Variants in EHMT1 observed in about 807,000 individuals in gnomAD.
EHMT1 encodes euchromatic histone lysine methyltransferase 1.
Under a neutral mutation model 147.2 loss-of-function variants are expected in EHMT1, and 15 were observed. The ratio of observed to expected loss-of-function variants is 0.10; its 90% confidence interval spans 0.07 to 0.16. The LOEUF is 0.16. Ranked by LOEUF, EHMT1 falls within the 10% of genes least tolerant of loss-of-function variation. The pLI, the probability that EHMT1 is intolerant of heterozygous loss-of-function variation, is 1.00. For missense variants in EHMT1, 1,587 were observed against 1,772.4 expected, an observed-to-expected ratio of 0.90 and a Z score of 1.88; for synonymous variants, 795 against 709.6, an observed-to-expected ratio of 1.12 and a Z score of -1.91.
intron 6 of EHMT1, among the ~76,000 whole-genome samples, chr9:137,744,767 C>T (rs1056152375): frequency 6.6e-6 from 1 of 152,278 alleles, no homozygotes; most frequent in African/African-American, 2.4e-5. Context: ...GCCAGGCGTG[C>T]TCTCTTCACA....
chr9:137,662,972 T>G (rs1341275334), intron 1 of EHMT1, among the ~76,000 whole-genome samples: 1 of 151,736 alleles, frequency 6.6e-6, no homozygotes, highest in African/African-American at 2.4e-5. Context: ...TTTTGTACTT[T>G]TAGTAGATAC....
chr9:137,735,277 G>A (rs1281197884), intron 4 of EHMT1, among the ~76,000 whole-genome samples: 1 of 152,212 alleles, frequency 6.6e-6, no homozygotes, highest in East Asian at 1.9e-4. Context: ...GATATGTAAA[G>A]GAGCAGAGTT....
chr9:137,681,951 GT>G (rs1252580273), intron 1 of EHMT1, among the ~76,000 whole-genome samples: 1 of 151,362 alleles, frequency 6.6e-6, no homozygotes, highest in African/African-American at 2.4e-5. Context: ...GTGTTTTTTT[GT>G]TTGTTTGTTT....
chr9:137,637,229 G>T (rs968536985), intron 1 of EHMT1, among the ~76,000 whole-genome samples: 1 of 152,048 alleles, frequency 6.6e-6, no homozygotes, highest in Non-Finnish European at 1.5e-5. Context: ...AGGCTGGAGT[G>T]CAGTGGTGCA....
chr9:137,743,884 C>T lies in EHMT1; in HGVS notation c.982-18C>T, dbSNP rs781476574. On this transcript the variant is annotated intron_variant, in intron 5 of 26. Coordinates refer to ENST00000460843, the MANE Select transcript of EHMT1 (RefSeq NM_024757.5). ...CGCACTGATCCTGCCTTGGGGTATA[C>T]ACCTGCCCGTGTTCTAGGGGGAGAA... 19 of 1,603,140 alleles carry T rather than the reference C, an allele frequency of 1.2e-5. No individual in the cohort carries two copies. In the African/African-American group the frequency reaches 1.5e-4, roughly 12 times the overall value.
chr9:137,742,187 C>T (rs115057908), intron 4 of EHMT1, among the ~76,000 whole-genome samples: 63 of 152,100 alleles, frequency 4.1e-4, no homozygotes, highest in African/African-American at 1.4e-3. Flanking sequence ...CCAGGCCCCG[C>T]GGCGTCTGTG....
chr9:137,747,847 C>T (rs985682394), intron 6 of EHMT1: 1 of 152,182 alleles, frequency 6.6e-6, no homozygotes, highest in African/African-American at 2.4e-5. Flanking sequence ...TGAGTGCTAA[C>T]CGTGTAGGAT....
intron 25 of EHMT1, 70 bp from the exon 26 acceptor site, chr9:137,834,279 G>A: frequency 6.3e-7 from 1 of 1,591,992 alleles, no homozygotes; most frequent in South Asian, 1.1e-5. Flanking sequence ...GCCATGCATG[G>A]CCGTACCCGG....
chr9:137,752,745 G>A (rs1300575285), intron 7 of EHMT1, among the ~76,000 whole-genome samples: 1 of 152,110 alleles, frequency 6.6e-6, no homozygotes, highest in Non-Finnish European at 1.5e-5. Context: ...CCGCTGCATC[G>A]GCTGATGTGC....
Position 137,835,600 on chromosome 9 carries a change from G to A in EHMT1, c.*647G>A, listed in dbSNP as rs931579588. 1.3e-5 allele frequency: 2 copies of A among 152,668 alleles called. No individual in the cohort carries two copies. The highest frequency in any genetic ancestry group is 4.8e-5 in the African/African-American group (2 of 41,460). The allele number at this position is 152,668 out of a possible 1,614,324, so 9.5% of individuals were successfully genotyped here. On this transcript the variant is annotated 3_prime_UTR_variant, in exon 27 of 27. Coordinates refer to ENST00000460843, the MANE Select transcript of EHMT1 (RefSeq NM_024757.5). ...TTTCTTTTCGAGGAAGTGGCTTGGT[G>A]GGTGCAGCCCCCGCCGGTTCCGTTG...
Position 137,835,923 on chromosome 9 carries a change from T to G in EHMT1, c.*970T>G, listed in dbSNP as rs1024926245. ...GGCCTGGCAGGTCATATACTTTTTT[T>G]TGGCATATACCTTTTTAAAGACTGT... On this transcript the variant is annotated 3_prime_UTR_variant, in exon 27 of 27. Transcript: ENST00000460843. 2.6e-5 allele frequency: 4 copies of G among 152,758 alleles called. No individual in the cohort carries two copies. The East Asian group carries it at 7.7e-4, about 29-fold the overall frequency. The allele number at this position is 152,758 out of a possible 1,614,324, so 9.5% of individuals were successfully genotyped here. A position where few individuals can be genotyped will look rare whatever the true frequency, so the allele number is the denominator to read the frequency against.
chr9:137,723,400 G>A (rs1171239309), intron 3 of EHMT1, among the ~76,000 whole-genome samples: 1 of 134,746 alleles, frequency 7.4e-6, no homozygotes, highest in African/African-American at 2.8e-5. Flanking sequence ...GCCTGAGCCC[G>A]GGGTGTGCCC....
At chr9:137,704,523 CT>C (rs1424205897) in intron 1 of EHMT1, among the ~76,000 whole-genome samples, 6 of 152,100 alleles carry the variant, frequency 3.9e-5, no homozygotes, top group Non-Finnish European at 8.8e-5. Context: ...AAAATGAGTT[CT>C]GTATTTCTGT....
At chr9:137,715,468 C>T (rs189030660) in intron 2 of EHMT1, 12 of 909,260 alleles carry the variant, frequency 1.3e-5, no homozygotes, top group Admixed American at 6.2e-5. Flanking sequence ...GAAGGACAGA[C>T]GGCCAGCATG....
In EHMT1 at chr9:137,787,733, A is replaced by ACATC. The variant is rs1006078811; in HGVS notation, c.2383-3114_2383-3111dup. On this transcript the variant is annotated intron_variant, in intron 15 of 26. Coordinates refer to ENST00000460843, the MANE Select transcript of EHMT1 (RefSeq NM_024757.5). The surrounding 1 kb of genome is among the most constrained non-coding windows in gnomAD (Gnocchi z 4.2). ...GCCAGGTCCCCAGGGTGCCACCGAAACATCGTAGATGCTTTTGTTGGGTGA... is the reference window on the plus strand; with the variant it reads ...GCCAGGTCCCCAGGGTGCCACCGAAACATCCATCGTAGATGCTTTTGTTGGGTGA... The ACATC allele has an allele frequency of 6.2e-5, 46 of 743,040 alleles. No individual in the cohort carries two copies. Among genetic ancestry groups the ACATC allele is most frequent in the Non-Finnish European group, 1.1e-4 (45 of 419,898 alleles). The allele number at this position is 743,040 out of a possible 1,614,324, so 46.0% of individuals were successfully genotyped here. A position where few individuals can be genotyped will look rare whatever the true frequency, so the allele number is the denominator to read the frequency against.
chr9:137,804,194 G>A (rs908881508), intron 18 of EHMT1, among the ~76,000 whole-genome samples: 2 of 152,154 alleles, frequency 1.3e-5, no homozygotes, highest in African/African-American at 2.4e-5. Context: ...GACACATGGG[G>A]ATTACAATTC....
At chr9:137,663,122 TG>T (rs1362245405) in intron 1 of EHMT1, among the ~76,000 whole-genome samples, 1 of 152,196 alleles carries the variant, frequency 6.6e-6, no homozygotes, top group Non-Finnish European at 1.5e-5. Context: ...CTATATTTAT[TG>T]TATAGATATC....
At chr9:137,834,306 G>C (rs777631493) in intron 25 of EHMT1, 43 bp from the exon 26 acceptor site, 1 of 1,609,822 alleles carries the variant, frequency 6.2e-7, no homozygotes, top group East Asian at 2.2e-5. Context: ...CGGCGTGTCG[G>C]GGCCTTGCTA....
At chr9:137,659,316 C>T (rs954012293) in intron 1 of EHMT1, among the ~76,000 whole-genome samples, 6 of 151,552 alleles carry the variant, frequency 4.0e-5, no homozygotes, top group African/African-American at 1.5e-4. Flanking sequence ...TTTTGCAGTT[C>T]TTTGTATATT....
Sources: gnomAD v4.1 joint callset for allele counts (sites outside exome capture counted in the v4.1 genomes callset) on GRCh38, gnomAD v4.1.1 for gene constraint, Gnocchi (gnomAD v3.1) non-coding constraint, MANE v1.5 for transcripts, NCBI Gene and HGNC (gene_info 2026-07-23, HGNC 2026-07-21) for gene names.